Variants in IFT43 observed in about 807,000 individuals in gnomAD.
IFT43 encodes the protein intraflagellar transport protein 43 homolog.
Under a neutral mutation model 32.3 loss-of-function variants are expected in IFT43, and 33 were observed. The ratio of observed to expected loss-of-function variants is 1.02; its 90% CI spans 0.77 to 1.37. The LOEUF is 1.37. IFT43 is among the 40% of genes most tolerant of loss of function. The pLI, the probability that IFT43 is intolerant of heterozygous loss-of-function variation, is 0.00. For missense variants in IFT43, 274 were observed against 265.9 expected, an observed-to-expected ratio of 1.03 and a Z score of -0.21; for synonymous variants, 93 against 98.2, an observed-to-expected ratio of 0.95 and a Z score of 0.31.
At chr14:76,058,209 C>G (rs1237013391) in intron 3 of IFT43, 2 of 261,706 alleles carry the variant, frequency 7.6e-6, no homozygotes, top group Non-Finnish European at 1.5e-5. Flanking sequence ...AAGTCTGAAG[C>G]CTGAACTGCG....
intron 3 of IFT43, among the ~76,000 whole-genome samples, chr14:76,029,838 T>TTTTTA (rs2036472178): frequency 1.4e-5 from 2 of 146,582 alleles, no homozygotes; most frequent in Non-Finnish European, 3.0e-5. Context: ...TTTTTGTACT[T>TTTTTA]TTTTTATTTT....
chr14:76,019,201 G>A (rs911569491), intron 2 of IFT43, among the ~76,000 whole-genome samples: 2 of 151,938 alleles, frequency 1.3e-5, no homozygotes, highest in Non-Finnish European at 1.5e-5. Flanking sequence ...ATACTGTCTT[G>A]TGTTTTCATG....
At chr14:76,015,092 C>G (rs2036160077) in intron 2 of IFT43, among the ~76,000 whole-genome samples, 1 of 152,018 alleles carries the variant, frequency 6.6e-6, no homozygotes, top group Non-Finnish European at 1.5e-5. Flanking sequence ...GCCGAGTTCC[C>G]CACATAGGTA....
intron 2 of IFT43, among the ~76,000 whole-genome samples, chr14:76,002,528 A>G (rs891506065): frequency 2.0e-5 from 3 of 152,200 alleles, no homozygotes; most frequent in Admixed American, 6.5e-5. Context: ...AAAAGTAGCA[A>G]CAAGGCCATT....
At chr14:76,025,407 A>G (rs973168184) in intron 3 of IFT43, among the ~76,000 whole-genome samples, 1 of 152,174 alleles carries the variant, frequency 6.6e-6, no homozygotes, top group African/African-American at 2.4e-5. Flanking sequence ...ATTTCTATTA[A>G]ACTACCATTG....
At chr14:76,041,890 G>A (rs1026322994) in intron 3 of IFT43, among the ~76,000 whole-genome samples, 8 of 152,194 alleles carry the variant, frequency 5.3e-5, no homozygotes, top group South Asian at 2.1e-4. Context: ...TGATAATCCC[G>A]TGGTACAGAT....
At chr14:76,039,836 A>G (rs2036672772) in intron 3 of IFT43, among the ~76,000 whole-genome samples, 1 of 152,176 alleles carries the variant, frequency 6.6e-6, no homozygotes. Flanking sequence ...TATGCAGGTT[A>G]ATATATTCTC....
At chr14:76,010,279 C>T (rs1489518394) in intron 2 of IFT43, among the ~76,000 whole-genome samples, 4 of 152,132 alleles carry the variant, frequency 2.6e-5, no homozygotes, top group African/African-American at 9.7e-5. Context: ...TTTCTGGTCC[C>T]CAGCATATTA....
At chr14:76,045,956 T>C (rs2036800297) in intron 3 of IFT43, among the ~76,000 whole-genome samples, 1 of 152,266 alleles carries the variant, frequency 6.6e-6, no homozygotes, top group South Asian at 2.1e-4. Flanking sequence ...TCTGACCCTG[T>C]TGAGCTGAGT....
At chr14:76,061,370 T>C (rs1259784385) in intron 5 of IFT43, among the ~76,000 whole-genome samples, 2 of 152,256 alleles carry the variant, frequency 1.3e-5, no homozygotes, top group Admixed American at 1.3e-4. Context: ...TCTGTGGATT[T>C]ATAGTTTTCA....
chr14:76,060,939 C>T (rs549554998), intron 5 of IFT43, among the ~76,000 whole-genome samples: 2 of 150,972 alleles, frequency 1.3e-5, no homozygotes, highest in African/African-American at 2.4e-5. Flanking sequence ...CTCACTCCAT[C>T]GTCCAGGCTG....
At chr14:76,003,103 A>G (rs1458657388) in intron 2 of IFT43, among the ~76,000 whole-genome samples, 2 of 152,238 alleles carry the variant, frequency 1.3e-5, no homozygotes, top group Non-Finnish European at 2.9e-5. Context: ...TTACAGGAAA[A>G]GGGTACTGAC....
At chr14:76,027,815 T>C (rs1013529421) in intron 3 of IFT43, among the ~76,000 whole-genome samples, 10 of 152,160 alleles carry the variant, frequency 6.6e-5, no homozygotes, top group Admixed American at 4.6e-4. Context: ...TAATATATAG[T>C]TTATATTTGA....
Position 75,985,792 on chromosome 14 carries a change from G to T in IFT43, c.6G>T (p.Glu2Asp). 1 of 1,614,212 alleles carries T rather than the reference G, an allele frequency of 6.2e-7. No homozygotes were observed. Among genetic ancestry groups the T allele is most frequent in the Non-Finnish European group, 8.5e-7 (1 of 1,180,042 alleles). Residue 2 changes from glutamate (E) to aspartate (D), a missense_variant, in exon 1 of 9, where the codon GAG becomes GAT. Glu to Asp is a conservative substitution (Grantham distance 45, BLOSUM62 2). Coordinates refer to ENST00000314067, the MANE Select transcript of IFT43 (RefSeq NM_001102564.3). M[E>D]DLLDLDEELR... ...GACGTCAGGCGGCCGCGGAGATGGA[G>T]GATTTGCTCGACTTGGACGAGGAGC...
At chr14:76,058,923 A>G in intron 4 of IFT43, 2 of 1,453,132 alleles carry the variant, frequency 1.4e-6, no homozygotes, top group Non-Finnish European at 1.8e-6. Context: ...TCCAGGTATC[A>G]GGGTACTGGC....
intron 5 of IFT43, among the ~76,000 whole-genome samples, chr14:76,081,033 T>C (rs1031961547): frequency 3.3e-5 from 5 of 152,250 alleles, no homozygotes; most frequent in Admixed American, 1.3e-4. Context: ...GAATTTTCTC[T>C]GTGTCTGTCT....
chr14:75,999,247 A>ATTCATT (rs1566699242), intron 2 of IFT43, among the ~76,000 whole-genome samples: 55 of 59,536 alleles, frequency 9.2e-4, no homozygotes, highest in East Asian at 4.1e-3. Context: ...ATATATATAT[A>ATTCATT]TATATATATA....
At chr14:75,998,488 T>C (rs8011635) in intron 2 of IFT43, among the ~76,000 whole-genome samples, 83,210 of 152,038 alleles carry the variant, frequency 0.55, 23,257 homozygotes, top group Non-Finnish European at 0.62. Context: ...GAGGACCACT[T>C]GTGTTTAGGA....
intron 3 of IFT43, 159 bp downstream of exon 3, chr14:76,022,553 A>T (rs2036313186): frequency 1.8e-6 from 1 of 560,928 alleles, no homozygotes; most frequent in African/African-American, 1.9e-5. Flanking sequence ...CATTCTTAAT[A>T]TATTCACAGA....
Sources: gnomAD v4.1 joint callset for allele counts (sites outside exome capture counted in the v4.1 genomes callset) on GRCh38, gnomAD v4.1.1 for gene constraint, MANE v1.5 for transcripts, NCBI Gene and HGNC (gene_info 2026-07-23, HGNC 2026-07-21) for gene names.